The following USP34 variants were observed in gnomAD, a reference collection of about 807,000 sequenced individuals.
USP34 encodes ubiquitin carboxyl-terminal hydrolase 34.
USP34 carries 70 observed loss-of-function variants against 460.3 expected under a neutral mutation model. The ratio of observed to expected loss-of-function variants is 0.15; its 90% CI spans 0.13 to 0.19. The LOEUF (loss-of-function observed/expected upper bound fraction) is 0.19, where lower values mean the gene tolerates loss of function less well. Ranked by LOEUF, USP34 falls within the 10% of genes least tolerant of loss-of-function variation. The pLI is 1.00. For missense variants in USP34, 3,985 were observed against 4,236.2 expected (o/e 0.94, Z 1.65); for synonymous variants, 1,647 against 1,405.3 (o/e 1.17, Z -3.85).
intron 23 of USP34, among the ~76,000 whole-genome samples, chr2:61,316,574 G>C (rs1690755377): frequency 1.3e-5 from 2 of 150,226 alleles, no homozygotes. Context: ...GACAGAGCCA[G>C]ACACCATCTC....
chr2:61,277,280 A>G (rs1200015847), intron 41 of USP34, among the ~76,000 whole-genome samples: 1 of 147,042 alleles, frequency 6.8e-6, no homozygotes. Flanking sequence ...TCTGTCACCT[A>G]GGCTACAGTG....
At chr2:61,367,759 A>G (rs1364800248) in intron 10 of USP34, among the ~76,000 whole-genome samples, 3 of 152,076 alleles carry the variant, frequency 2.0e-5, no homozygotes, top group African/African-American at 7.2e-5. Context: ...CTATATACAA[A>G]TAACTTTGAG....
At chr2:61,393,566 A>G (rs1171326534) in intron 5 of USP34, among the ~76,000 whole-genome samples, 1 of 152,150 alleles carries the variant, frequency 6.6e-6, no homozygotes, top group Non-Finnish European at 1.5e-5. Context: ...TACCAATTTT[A>G]GTAATGTCAG....
chr2:61,352,859 C>T (rs1691985171), intron 10 of USP34, among the ~76,000 whole-genome samples: 2 of 151,822 alleles, frequency 1.3e-5, no homozygotes, highest in Non-Finnish European at 2.9e-5. Flanking sequence ...ACGATGAAAA[C>T]AAAGACGATG....
At position 61,470,900 on chromosome 2, in the gene USP34, G is replaced by A. The variant is rs1387053087; in HGVS notation, c.-208C>T. 8.7e-6 allele frequency: 2 copies of A among 231,034 alleles called. No homozygotes were observed. The highest frequency in any genetic ancestry group is 8.5e-6 in the Non-Finnish European group (1 of 117,582). 14.3% of individuals were successfully genotyped at this position (231,034 alleles called of 1,614,324 possible). A position where few individuals can be genotyped will look rare whatever the true frequency, so the allele number is the denominator to read the frequency against. On this transcript the variant is annotated 5_prime_UTR_variant, in exon 1 of 80. Coordinates refer to ENST00000398571, the MANE Select transcript of USP34 (RefSeq NM_014709.4). ...CCCGCAGCGGGAGGGGGAGAGGAGG[G>A]GAGCGAGGGGAGGTGCGCAGGCCGG...
At chr2:61,196,082 T>TTTTTA in intron 75 of USP34, among the ~76,000 whole-genome samples, 1 of 121,998 alleles carries the variant, frequency 8.2e-6, no homozygotes, top group Admixed American at 8.1e-5. Flanking sequence ...TTTTTTTTTT[T>TTTTTA]TTTTTTTTTT....
intron 67 of USP34, among the ~76,000 whole-genome samples, chr2:61,219,662 C>A (rs1162241322): frequency 1.4e-5 from 2 of 145,492 alleles, no homozygotes; most frequent in Non-Finnish European, 1.5e-5. Context: ...CAGAGTGAGA[C>A]TCTGTCTCAA....
chr2:61,357,204 A>G (rs1692134078), intron 10 of USP34, among the ~76,000 whole-genome samples: 2 of 152,220 alleles, frequency 1.3e-5, no homozygotes, highest in African/African-American at 2.4e-5. Flanking sequence ...ACAAGTCTCA[A>G]CAGATATTAA....
chr2:61,319,363 T>C (rs757322150), intron 21 of USP34, 36 bp from the exon 22 acceptor site: 2 of 1,418,504 alleles, frequency 1.4e-6, no homozygotes, highest in South Asian at 3.3e-5. Flanking sequence ...CTTTATTAAC[T>C]ACATACAAAA....
intron 25 of USP34, among the ~76,000 whole-genome samples, chr2:61,312,907 T>C (rs1190230593): frequency 2.0e-5 from 3 of 152,170 alleles, no homozygotes. Context: ...AGATTATAAC[T>C]TTATCTCTTT....
chr2:61,195,044 ACC>A (rs1312495391), intron 75 of USP34, among the ~76,000 whole-genome samples: 3 of 149,286 alleles, frequency 2.0e-5, no homozygotes, highest in East Asian at 4.0e-4. Context: ...GAATAATGAA[ACC>A]CCGTCTCTAC....
Position 61,188,996 on chromosome 2 carries a change from A to G in USP34, c.9947T>C (p.Leu3316Pro). 1 of 1,614,228 alleles carries G rather than the reference A, an allele frequency of 6.2e-7. No individual in the cohort carries two copies. The highest frequency in any genetic ancestry group is 8.5e-7 in the Non-Finnish European group (1 of 1,180,048). ...KQLNPALIPTLQELLSKCRTC... is the reference protein window; with the variant it reads ...KQLNPALIPTPQELLSKCRTC... ...CCTGCATTTGCTTAAAAGCTCTTGCAGAGTTGGAATTAGAGCTGGGTTTAA... is the reference window on the plus strand; with the variant it reads ...CCTGCATTTGCTTAAAAGCTCTTGCGGAGTTGGAATTAGAGCTGGGTTTAA... Residue 3316 changes from leucine (L) to proline (P), a missense_variant, in exon 79 of 80, where the codon CTG becomes CCG. Around this residue, in one of 14 missense-constraint regions of USP34, gnomAD observed 506 missense variants for 439.0 expected, o/e 1.15. Coordinates refer to ENST00000398571, the MANE Select transcript of USP34 (RefSeq NM_014709.4).
intron 41 of USP34, among the ~76,000 whole-genome samples, chr2:61,272,541 T>C (rs1408974023): frequency 2.6e-5 from 4 of 152,088 alleles, no homozygotes; most frequent in Admixed American, 2.0e-4. Flanking sequence ...CTTTTCACCA[T>C]TGTCCCTCTC....
intron 2 of USP34, among the ~76,000 whole-genome samples, chr2:61,411,864 A>G (rs1408008288): frequency 6.6e-6 from 1 of 152,186 alleles, no homozygotes; most frequent in Non-Finnish European, 1.5e-5. Context: ...GAAAAATTTT[A>G]TCTGCCTTTG....
intron 10 of USP34, among the ~76,000 whole-genome samples, chr2:61,354,207 A>C (rs1301732574): frequency 6.6e-6 from 1 of 152,212 alleles, no homozygotes; most frequent in Non-Finnish European, 1.5e-5. Context: ...ATCGATACAC[A>C]ATGCAATCAG....
chr2:61,221,912 A>C (rs1687599794), intron 65 of USP34: 1 of 217,850 alleles, frequency 4.6e-6, no homozygotes, highest in Non-Finnish European at 9.0e-6. Flanking sequence ...CAACGTTTTG[A>C]AATATGTATA....
intron 1 of USP34, among the ~76,000 whole-genome samples, chr2:61,461,853 A>C (rs1015382256): frequency 6.6e-6 from 1 of 152,236 alleles, no homozygotes; most frequent in Non-Finnish European, 1.5e-5. Flanking sequence ...TAAAAGATTT[A>C]AGTAGAAAGA....
chr2:61,416,402 C>G (rs1327442300), intron 2 of USP34, among the ~76,000 whole-genome samples: 1 of 152,182 alleles, frequency 6.6e-6, no homozygotes, highest in Non-Finnish European at 1.5e-5. Flanking sequence ...GAACCTCACC[C>G]TGGCTGGCGT....
chr2:61,332,406 G>A (rs1290130095), intron 19 of USP34, among the ~76,000 whole-genome samples: 4 of 151,948 alleles, frequency 2.6e-5, no homozygotes, highest in Non-Finnish European at 2.9e-5. Context: ...GAAACCCTGT[G>A]AATTTTCCTT....
Sources: gnomAD v4.1 joint callset for allele counts (sites outside exome capture counted in the v4.1 genomes callset) on GRCh38, gnomAD v4.1.1 for gene constraint, gnomAD v4.1.1 regional missense constraint, MANE v1.5 for transcripts, NCBI Gene and HGNC (gene_info 2026-07-23, HGNC 2026-07-21) for gene names.